BAZ1B: variants seen among roughly 807,000 people sequenced by gnomAD.
BAZ1B encodes the protein bromodomain adjacent to zinc finger domain 1B, also known as tyrosine-protein kinase BAZ1B.
A neutral mutation model predicts 153.8 loss-of-function variants in BAZ1B; 22 were observed. The observed-to-expected ratio is 0.14, with a 90% CI of 0.10 to 0.20. The LOEUF (loss-of-function observed/expected upper bound fraction) is 0.20, where lower values mean the gene tolerates loss of function less well. Ranked by LOEUF, BAZ1B falls within the 10% of genes least tolerant of loss-of-function variation. The probability of loss-of-function intolerance (pLI) is 1.00; values close to 1 mark genes in which losing one functional copy is unlikely to be tolerated. For missense variants in BAZ1B, 1,325 were observed against 1,799.3 expected, an observed-to-expected ratio of 0.74 and a Z score of 4.77; for synonymous variants, 676 against 633.4, an observed-to-expected ratio of 1.07 and a Z score of -1.01.
chr7:73,451,772 C>T (rs1411061851), intron 13 of BAZ1B, among the ~76,000 whole-genome samples: 1 of 152,228 alleles, frequency 6.6e-6, no homozygotes, highest in Non-Finnish European at 1.5e-5. Context: ...TTGCAGAGCT[C>T]CTCAGTAAAC....
Position 73,444,146 on chromosome 7 carries a change from G to A in BAZ1B, c.3845-17C>T. 6.3e-7 allele frequency: 1 copy of A among 1,578,268 alleles called. No individual in the cohort carries two copies. On this transcript the variant is annotated splice_polypyrimidine_tract_variant and intron_variant, in intron 16 of 19. Coordinates refer to ENST00000339594, the MANE Select transcript of BAZ1B (RefSeq NM_032408.4). ...GAGGTCTCACTGAAAGAAAAACTATGGATTCAGCAGAGAACAACGGAAGGT... is the reference window on the plus strand; with the variant it reads ...GAGGTCTCACTGAAAGAAAAACTATAGATTCAGCAGAGAACAACGGAAGGT...
chr7:73,477,458 G>A lies in BAZ1B; in HGVS notation c.2003C>T (p.Ala668Val). The change falls in exon 7 of 20, where the codon GCA becomes GTA. Residue 668 changes from alanine to valine, a missense_variant. Physicochemically the swap from Ala to Val is moderately conservative, Grantham distance 64 (BLOSUM62 0). This residue lies in a region of BAZ1B where 154 missense variants were observed against 266.3 expected (regional missense o/e 0.58). Coordinates refer to ENST00000339594, the MANE Select transcript of BAZ1B (RefSeq NM_032408.4). This position sits in a 1 kb window ranked among gnomAD's most constrained non-coding sequence, Gnocchi z 5.6. The part of the protein sequence containing the change: ...LLQTLLQDEI[A>V]EDYGELGMKL... ...CATTCCCAATTCACCATAGTCTTCT[G>A]CTATCTCATCTTGTAGGAGGGTCTG... The A allele has an allele frequency of 1.2e-6, 2 of 1,614,218 alleles. No homozygotes were observed. The highest frequency in any genetic ancestry group is 1.7e-6 in the Non-Finnish European group (2 of 1,180,042).
intron 1 of BAZ1B, among the ~76,000 whole-genome samples, chr7:73,519,974 G>A (rs578138930): frequency 6.6e-6 from 1 of 152,272 alleles, no homozygotes; most frequent in East Asian, 1.9e-4. Context: ...TTGGGAGGCC[G>A]AGATGGGCGG....
intron 16 of BAZ1B, among the ~76,000 whole-genome samples, chr7:73,446,546 C>CAAAAAAAAAAAAAAAAAAAAAAA (rs1175189600): frequency 2.4e-5 from 1 of 41,536 alleles, no homozygotes. Flanking sequence ...GAGACCATCT[C>CAAAAAAAAAAAAAAAAAAAAAAA]AAAAAAAAAA....
chr7:73,444,063 C>T lies in BAZ1B; in HGVS notation c.3911G>A (p.Arg1304His), dbSNP rs1554565739. Reference sequence around the variant, plus strand: ...GGTAGAGTGTGGCTTCTTACCCGGGCGCCGGCCTGACCTTGCTGCAGGGGG... The same window carrying T: ...GGTAGAGTGTGGCTTCTTACCCGGGTGCCGGCCTGACCTTGCTGCAGGGGG... ...VIPPAARSGR[R>H]PGKKPHSTRR... The change falls in exon 17 of 20, where the codon CGC (arginine) becomes CAC (histidine). Residue 1304 changes from arginine (R) to histidine (H), a missense_variant. Arg to His is a conservative substitution (Grantham distance 29, BLOSUM62 0). Around this residue, in one of 9 missense-constraint regions of BAZ1B, gnomAD observed 271 missense variants for 337.2 expected, o/e 0.80. Coordinates refer to ENST00000339594, the MANE Select transcript of BAZ1B (RefSeq NM_032408.4). 8 of 1,613,624 alleles carry T rather than the reference C, an allele frequency of 5.0e-6. No homozygotes were observed. The highest frequency in any genetic ancestry group is 1.3e-5 in the African/African-American group (1 of 75,018).
intron 3 of BAZ1B, among the ~76,000 whole-genome samples, chr7:73,502,473 A>G (rs1332641415): frequency 3.3e-5 from 5 of 152,108 alleles, no homozygotes; most frequent in Non-Finnish European, 5.9e-5. Flanking sequence ...AGTGGCTCAC[A>G]CCTGCAATCC....
intron 1 of BAZ1B, among the ~76,000 whole-genome samples, chr7:73,518,632 G>GT (rs1171702536): frequency 6.6e-6 from 1 of 151,848 alleles, no homozygotes; most frequent in Non-Finnish European, 1.5e-5. Context: ...CTTGAGTCCG[G>GT]TTCAAGGCTT....
rs782100299 is a variant in BAZ1B at position 73,478,573 on chromosome 7, G to A, written c.892-4C>T. 2 of 1,487,462 alleles carry A rather than the reference G, an allele frequency of 1.3e-6. No individual in the cohort carries two copies. The highest frequency in any genetic ancestry group is 2.5e-5 in the Admixed American group (1 of 39,570). The allele number at this position is 1,487,462 out of a possible 1,614,324, so 92.1% of individuals were successfully genotyped here. On this transcript the variant is annotated splice_region_variant and splice_polypyrimidine_tract_variant and intron_variant, in intron 6 of 19. Coordinates refer to ENST00000339594, the MANE Select transcript of BAZ1B (RefSeq NM_032408.4). ...TAGAAGGGTTGAGAGTCATATACTA[G>A]AATTTAAGAATAGGAGCAAAATTAA...
rs181270550 is a variant in BAZ1B, at chr7:73,500,814, C to T, written c.370-2116G>A. Among the ~76,000 whole-genome samples, 429 of 151,730 alleles carry T rather than the reference C, an allele frequency of 2.8e-3. 2 individuals are homozygous for T. The highest frequency in any genetic ancestry group is 0.01 in the African/African-American group (419 of 41,286). ...GCTGAGGCAGGAGAATCAGTTGAAC[C>T]CGGGAGGTGGAAGTTGCAGTGAGCC... On this transcript the variant is annotated intron_variant, in intron 3 of 19. Coordinates refer to ENST00000339594, the MANE Select transcript of BAZ1B (RefSeq NM_032408.4).
At chr7:73,453,168 A>G (rs782012171) in intron 13 of BAZ1B, among the ~76,000 whole-genome samples, 11 of 152,220 alleles carry the variant, frequency 7.2e-5, no homozygotes, top group Non-Finnish European at 1.2e-4. Flanking sequence ...GCAGTGGAAA[A>G]TTTCAAAGCT....
intron 2 of BAZ1B, among the ~76,000 whole-genome samples, chr7:73,508,829 C>A (rs1249148457): frequency 6.6e-6 from 1 of 151,452 alleles, no homozygotes; most frequent in African/African-American, 2.4e-5. Context: ...CTGGCTAACA[C>A]GATGAAACCC....
At chr7:73,470,298 A>T in intron 8 of BAZ1B, 47 bp downstream of exon 8, 1 of 1,527,714 alleles carries the variant, frequency 6.5e-7, no homozygotes, top group Non-Finnish European at 8.8e-7. Flanking sequence ...AACTAATAGC[A>T]ATGTAAATAG....
intron 1 of BAZ1B, among the ~76,000 whole-genome samples, chr7:73,520,846 A>G (rs1391255779): frequency 6.6e-6 from 1 of 152,214 alleles, no homozygotes; most frequent in African/African-American, 2.4e-5. Context: ...CTCATAACAC[A>G]TTAGCCTTCA....
At chr7:73,472,353 G>C (rs1019764783) in intron 7 of BAZ1B, among the ~76,000 whole-genome samples, 1 of 151,970 alleles carries the variant, frequency 6.6e-6, no homozygotes, top group Admixed American at 6.6e-5. Flanking sequence ...CCGCCTGCCG[G>C]GTTCAAGTGA....
intron 8 of BAZ1B, 148 bp downstream of exon 8, chr7:73,470,197 A>G (rs1362499966): frequency 1.1e-6 from 1 of 945,192 alleles, no homozygotes; most frequent in African/African-American, 1.7e-5. Flanking sequence ...GGCAGTTAAT[A>G]TTCAATAATC....
chr7:73,497,300 C>A (rs553573184), intron 4 of BAZ1B, among the ~76,000 whole-genome samples: 1 of 152,128 alleles, frequency 6.6e-6, no homozygotes, highest in East Asian at 1.9e-4. Context: ...GATGAACTAG[C>A]ATCACATAAA....
At chr7:73,489,805 C>T (rs62465148) in intron 5 of BAZ1B, among the ~76,000 whole-genome samples, 7,437 of 152,198 alleles carry the variant, frequency 0.049, 209 homozygotes, top group Non-Finnish European at 0.066. Context: ...AGACAGAAAA[C>T]GGAGAATAAT....
intron 3 of BAZ1B, among the ~76,000 whole-genome samples, chr7:73,505,004 T>C (rs1315212835): frequency 2.0e-5 from 3 of 152,184 alleles, no homozygotes; most frequent in Non-Finnish European, 4.4e-5. Flanking sequence ...TACTGGCTAT[T>C]GTAGCACAAA....
intron 8 of BAZ1B, 69 bp downstream of exon 8, chr7:73,470,276 G>GC (rs1788749285): frequency 9.5e-6 from 14 of 1,471,886 alleles, no homozygotes; most frequent in Admixed American, 6.7e-5. Flanking sequence ...TTGTACTTTA[G>GC]AAAATTTTCC....
Sources: allele counts gnomAD v4.1 joint callset (sites outside exome capture counted in the v4.1 genomes callset), GRCh38; gene constraint gnomAD v4.1.1; regional missense constraint gnomAD v4.1.1; non-coding constraint Gnocchi (gnomAD v3.1); transcripts MANE v1.5; gene names NCBI Gene and HGNC (gene_info 2026-07-23, HGNC 2026-07-21).